NPTN: variants seen among roughly 807,000 people sequenced by gnomAD.
The protein encoded by NPTN is neuroplastin.
A neutral mutation model predicts 42.7 loss-of-function variants in NPTN; 5 were observed. The observed-to-expected ratio is 0.12, with a 90% CI of 0.06 to 0.25. NPTN has a LOEUF of 0.25. Among genes scored for constraint, NPTN ranks in the 10% least tolerant of loss-of-function variants. The probability of loss-of-function intolerance (pLI) is 1.00; values close to 1 mark genes in which losing one functional copy is unlikely to be tolerated. For missense variants in NPTN, 307 were observed against 525.4 expected, an observed-to-expected ratio of 0.58 and a Z score of 4.06; for synonymous variants, 180 against 201.9, an observed-to-expected ratio of 0.89 and a Z score of 0.92.
At position 73,597,140 on chromosome 15, in the gene NPTN, G is replaced by A; in HGVS notation, c.321C>T (p.Thr107=). 1 of 1,614,186 alleles carries A rather than the reference G, an allele frequency of 6.2e-7. No individual in the cohort carries two copies. Among genetic ancestry groups the A allele is most frequent in the Non-Finnish European group, 8.5e-7 (1 of 1,180,022 alleles). The change falls in exon 2 of 9, where the codon ACC becomes ACT. Residue 107 remains threonine (T), a synonymous_variant. Coordinates refer to ENST00000345330, the MANE Select transcript of NPTN (RefSeq NM_012428.4). The surrounding 1 kb of genome is among the most constrained non-coding windows in gnomAD (Gnocchi z 6.3). Reference sequence around the variant, plus strand: ...ACTCGTAAGTCCCAGAGTCCTCCAAGGTGAGCCGGGTTATTCTCAGCACAC... The same window carrying A: ...ACTCGTAAGTCCCAGAGTCCTCCAAAGTGAGCCGGGTTATTCTCAGCACAC... The part of the protein sequence containing the change: ...GVSVLRITRL[T]LEDSGTYECR...
chr15:73,583,070 C>A (rs1896133623), intron 4 of NPTN, among the ~76,000 whole-genome samples: 1 of 152,190 alleles, frequency 6.6e-6, no homozygotes, highest in Non-Finnish European at 1.5e-5. Context: ...TAATACACAA[C>A]CTCTCATCTC....
chr15:73,609,018 G>A (rs1897425888), intron 1 of NPTN, among the ~76,000 whole-genome samples: 1 of 152,160 alleles, frequency 6.6e-6, no homozygotes, highest in South Asian at 2.1e-4. Context: ...GAAGCCATGG[G>A]AGGAGATGAG....
At chr15:73,573,530 G>A (rs1241646656) in intron 5 of NPTN, 132 bp downstream of exon 5, 19 of 982,184 alleles carry the variant, frequency 1.9e-5, no homozygotes, top group Admixed American at 6.1e-5. Context: ...GCTGTAAACC[G>A]TGACTCTAGA....
intron 4 of NPTN, among the ~76,000 whole-genome samples, chr15:73,583,033 T>G (rs1390250980): frequency 1.3e-5 from 2 of 152,190 alleles, no homozygotes. Flanking sequence ...ATGTATCTCC[T>G]GTAAGTTCTG....
chr15:73,613,567 G>A (rs1026627446), intron 1 of NPTN, among the ~76,000 whole-genome samples: 1 of 151,794 alleles, frequency 6.6e-6, no homozygotes, highest in African/African-American at 2.4e-5. Context: ...ATAAACTCTG[G>A]TTAAAAAAAA....
chr15:73,612,686 C>A (rs781509454), intron 1 of NPTN, among the ~76,000 whole-genome samples: 1 of 152,124 alleles, frequency 6.6e-6, no homozygotes, highest in South Asian at 2.1e-4. Context: ...AGGACAATGG[C>A]GTGAACCCGG....
intron 6 of NPTN, chr15:73,567,654 AAGG>A (rs1244664706): frequency 2.0e-6 from 2 of 985,296 alleles, no homozygotes; most frequent in Non-Finnish European, 1.2e-6. Context: ...ACTTCCAGGA[AAGG>A]AGAAGAAAAG....
At chr15:73,598,302 G>T (rs138297546) in intron 1 of NPTN, among the ~76,000 whole-genome samples, 1 of 152,202 alleles carries the variant, frequency 6.6e-6, no homozygotes, top group East Asian at 1.9e-4. Context: ...CAGCTCAGAA[G>T]AATGAGAAAT....
At chr15:73,616,991 C>G (rs1897893977) in intron 1 of NPTN, among the ~76,000 whole-genome samples, 1 of 152,192 alleles carries the variant, frequency 6.6e-6, no homozygotes, top group South Asian at 2.1e-4. Flanking sequence ...ATTTCAATAT[C>G]AAGAATGCAG....
At chr15:73,605,772 A>C (rs142458518) in intron 1 of NPTN, among the ~76,000 whole-genome samples, 15 of 152,038 alleles carry the variant, frequency 9.9e-5, no homozygotes, top group Admixed American at 6.6e-4. Context: ...CAAAGAGAAG[A>C]ATCAGCTCAC....
At chr15:73,619,399 G>T (rs1008080606) in intron 1 of NPTN, among the ~76,000 whole-genome samples, 2 of 152,168 alleles carry the variant, frequency 1.3e-5, no homozygotes, top group African/African-American at 4.8e-5. Context: ...ATATATCATA[G>T]TTTCCTAGTA....
At chr15:73,618,075 T>C (rs1377239120) in intron 1 of NPTN, among the ~76,000 whole-genome samples, 1 of 152,214 alleles carries the variant, frequency 6.6e-6, no homozygotes, top group East Asian at 1.9e-4. Context: ...CCACAGTAAG[T>C]GGTAGCTCTG....
At chr15:73,612,030 A>T (rs1356629318) in intron 1 of NPTN, among the ~76,000 whole-genome samples, 2 of 152,238 alleles carry the variant, frequency 1.3e-5, no homozygotes, top group African/African-American at 4.8e-5. Flanking sequence ...TTTAAATGAT[A>T]CATAAATGCA....
chr15:73,633,042 C>A (rs1281765647), intron 1 of NPTN, 83 bp downstream of exon 1: 9 of 979,562 alleles, frequency 9.2e-6, no homozygotes, highest in Non-Finnish European at 1.1e-5. Flanking sequence ...CGAGCTCCAG[C>A]GTCTCCTCAG....
At position 73,560,387 on chromosome 15, in the gene NPTN, G is replaced by GCAAT. The variant is rs1021546940; in HGVS notation, c.*672_*675dup. On this transcript the variant is annotated 3_prime_UTR_variant, in exon 9 of 9. Transcript: ENST00000345330. ...AGAAGAAAAGATAATCACTTAAAAAGCAATCATACGTATATACTGCAATTC... is the reference window on the plus strand; with the variant it reads ...AGAAGAAAAGATAATCACTTAAAAAGCAATCAATCATACGTATATACTGCAATTC... 1.7e-4 allele frequency: 27 copies of GCAAT among 155,388 alleles called. No individual in the cohort carries two copies. Among genetic ancestry groups the GCAAT allele is most frequent in the African/African-American group, 5.8e-4 (24 of 41,434 alleles). 9.6% of individuals were successfully genotyped at this position (155,388 alleles called of 1,614,324 possible).
chr15:73,564,732 A>G (rs1894880696), intron 6 of NPTN, among the ~76,000 whole-genome samples: 2 of 152,316 alleles, frequency 1.3e-5, no homozygotes, highest in South Asian at 4.1e-4. Context: ...CCTAATGCTC[A>G]GCATCCCGGC....
At chr15:73,609,999 TTCC>T (rs1897493872) in intron 1 of NPTN, among the ~76,000 whole-genome samples, 2 of 152,180 alleles carry the variant, frequency 1.3e-5, no homozygotes, top group Admixed American at 6.5e-5. Flanking sequence ...CTACAACTTA[TTCC>T]TCCTATCTAG....
intron 1 of NPTN, among the ~76,000 whole-genome samples, chr15:73,615,225 GAC>G (rs1897806854): frequency 6.6e-6 from 1 of 150,884 alleles, no homozygotes; most frequent in African/African-American, 2.4e-5. Flanking sequence ...CAGGGAATAG[GAC>G]ACTTTTTAAC....
At chr15:73,623,812 T>C (rs1898257277) in intron 1 of NPTN, among the ~76,000 whole-genome samples, 2 of 152,242 alleles carry the variant, frequency 1.3e-5, no homozygotes, top group Non-Finnish European at 2.9e-5. Context: ...AAAGAGATCA[T>C]TTCTGTTTTT....
Sources: gnomAD v4.1 joint callset for allele counts (sites outside exome capture counted in the v4.1 genomes callset) on GRCh38, gnomAD v4.1.1 for gene constraint, Gnocchi (gnomAD v3.1) non-coding constraint, MANE v1.5 for transcripts, NCBI Gene and HGNC (gene_info 2026-07-23, HGNC 2026-07-21) for gene names.